Variants in EPHA5 observed in about 807,000 individuals in gnomAD.
The protein encoded by EPHA5 is ephrin type-A receptor 5.
In EPHA5, 60 loss-of-function variants were observed where a neutral mutation model predicts 105.0. The ratio of observed to expected loss-of-function variants is 0.57; its 90% CI spans 0.46 to 0.71. The LOEUF (loss-of-function observed/expected upper bound fraction) is 0.71, where lower values mean the gene tolerates loss of function less well. EPHA5 is among the 30% of genes least tolerant of loss of function. The pLI, the probability that EPHA5 is intolerant of heterozygous loss-of-function variation, is 0.00. For missense variants in EPHA5, 1,218 were observed against 1,274.7 expected (o/e 0.96, Z 0.68); for synonymous variants, 513 against 449.1 (o/e 1.14, Z -1.80).
In EPHA5 at chr4:65,480,071, A is replaced by C. The variant is rs1730206675; in HGVS notation, c.1402+10306T>G. Among the ~76,000 whole-genome samples the C allele has an allele frequency of 2.6e-5, 4 of 152,152 alleles. No homozygotes were observed. The South Asian group carries it at 8.3e-4, about 32-fold the overall frequency. On this transcript the variant is annotated intron_variant, in intron 5 of 16. Coordinates refer to ENST00000613740, the MANE Select transcript of EPHA5 (RefSeq NM_001281766.3). Reference sequence around the variant, plus strand: ...CTCAACACATGAGATACAAACAAACAAACAAAAAACACAAGAATACAGGAA... The same window carrying C: ...CTCAACACATGAGATACAAACAAACCAACAAAAAACACAAGAATACAGGAA...
Position 65,362,913 on chromosome 4 carries a change from A to T in EPHA5, c.2173+2104T>A, listed in dbSNP as rs1018757429. Among the ~76,000 whole-genome samples, 5 of 151,716 alleles carry T rather than the reference A, an allele frequency of 3.3e-5. No individual in the cohort carries two copies. The Admixed American group carries it at 3.3e-4, about 10-fold the overall frequency. On this transcript the variant is annotated intron_variant, in intron 11 of 16. Coordinates refer to ENST00000613740, the MANE Select transcript of EPHA5 (RefSeq NM_001281766.3). ...TAAGCAAAAGAGACAAAATTAAGTG[A>T]GATTTAAATAAGACTTTTGAACCAA...
At chr4:65,598,476 G>T (rs1274534857) in intron 3 of EPHA5, among the ~76,000 whole-genome samples, 1 of 151,796 alleles carries the variant, frequency 6.6e-6, no homozygotes, top group African/African-American at 2.4e-5. Flanking sequence ...TGTGCTTTTT[G>T]ACTTCTTTCT....
chr4:65,350,908 C>T (rs1722750534), intron 13 of EPHA5, among the ~76,000 whole-genome samples: 2 of 151,874 alleles, frequency 1.3e-5, no homozygotes, highest in South Asian at 4.2e-4. Flanking sequence ...AAGGTGGGAG[C>T]TAGATATTTC....
At chr4:65,632,440 G>T (rs1746732848) in intron 2 of EPHA5, among the ~76,000 whole-genome samples, 2 of 149,838 alleles carry the variant, frequency 1.3e-5, no homozygotes, top group African/African-American at 2.5e-5. Flanking sequence ...AAAATAAGTT[G>T]TAAAGTATTA....
At chr4:65,594,114 G>A (rs1190935895) in intron 3 of EPHA5, among the ~76,000 whole-genome samples, 1 of 151,980 alleles carries the variant, frequency 6.6e-6, no homozygotes, top group Non-Finnish European at 1.5e-5. Context: ...AAAACAAAAG[G>A]ACTATTTTTT....
intron 8 of EPHA5, among the ~76,000 whole-genome samples, chr4:65,387,813 T>A (rs1232105681): frequency 6.6e-6 from 1 of 151,702 alleles, no homozygotes; most frequent in African/African-American, 2.4e-5. Flanking sequence ...TTTTTGTATG[T>A]CTCATTCTTT....
At chr4:65,470,204 T>A (rs1262564238) in intron 5 of EPHA5, among the ~76,000 whole-genome samples, 22 of 151,604 alleles carry the variant, frequency 1.5e-4, no homozygotes, top group African/African-American at 4.6e-4. Context: ...TTTTTTTTTT[T>A]TTTCTTGAGA....
intron 2 of EPHA5, among the ~76,000 whole-genome samples, chr4:65,613,986 T>C (rs1232689655): frequency 6.6e-6 from 1 of 151,942 alleles, no homozygotes; most frequent in Non-Finnish European, 1.5e-5. Context: ...AATATTTTAC[T>C]TGAGAATTAC....
intron 5 of EPHA5, among the ~76,000 whole-genome samples, chr4:65,462,770 T>C (rs1728250444): frequency 6.6e-6 from 1 of 152,096 alleles, no homozygotes; most frequent in South Asian, 2.1e-4. Flanking sequence ...ATTAAACAAA[T>C]AAAGTGACAA....
chr4:65,351,322 CT>C, intron 13 of EPHA5, 66 bp downstream of exon 13: 1 of 1,405,362 alleles, frequency 7.1e-7, no homozygotes, highest in East Asian at 2.3e-5. Context: ...TTAGCTATTT[CT>C]TTCAGAATCT....
At chr4:65,557,317 G>T (rs1738558004) in intron 3 of EPHA5, among the ~76,000 whole-genome samples, 2 of 146,370 alleles carry the variant, frequency 1.4e-5, no homozygotes, top group Non-Finnish European at 3.0e-5. Context: ...TATACATTGG[G>T]AATCTTTATG....
At chr4:65,448,075 T>C (rs1297423804) in intron 5 of EPHA5, among the ~76,000 whole-genome samples, 4 of 151,530 alleles carry the variant, frequency 2.6e-5, no homozygotes, top group Non-Finnish European at 5.9e-5. Flanking sequence ...TTTCTTGTTA[T>C]ATGAAAACTG....
At chr4:65,454,032 AC>A (rs1343014681) in intron 5 of EPHA5, among the ~76,000 whole-genome samples, 1 of 152,022 alleles carries the variant, frequency 6.6e-6, no homozygotes, top group African/African-American at 2.4e-5. Context: ...TGTAATTCCA[AC>A]ACTTTGAGAG....
intron 16 of EPHA5, chr4:65,330,998 T>C: frequency 9.6e-7 from 1 of 1,043,008 alleles, no homozygotes; most frequent in South Asian, 4.6e-5. Context: ...ATGAATTCAA[T>C]GAATCAAAGA....
At position 65,414,564 on chromosome 4, in the gene EPHA5, T is replaced by C. The variant is rs949726631; in HGVS notation, c.1528-121A>G. On this transcript the variant is annotated intron_variant, in intron 6 of 16. Transcript: ENST00000613740. ...CCAAAGGACTCTATTAGTACAAATA[T>C]AACATTTTAGAAAAAAATCCTACAC... 1.6e-5 allele frequency: 17 copies of C among 1,092,762 alleles called. 1 individual carries two copies. Among genetic ancestry groups the C allele is most frequent in the Admixed American group, 5.1e-5 (2 of 39,230 alleles). 67.7% of individuals were successfully genotyped at this position (1,092,762 alleles called of 1,614,324 possible). A position where few individuals can be genotyped will look rare whatever the true frequency, so the allele number is the denominator to read the frequency against.
At chr4:65,430,223 A>C (rs905022929) in intron 5 of EPHA5, among the ~76,000 whole-genome samples, 9 of 152,066 alleles carry the variant, frequency 5.9e-5, no homozygotes, top group Admixed American at 5.9e-4. Context: ...AAAATATATA[A>C]TTATATATCT....
intron 8 of EPHA5, among the ~76,000 whole-genome samples, chr4:65,398,501 C>T (rs1037308009): frequency 2.6e-5 from 4 of 152,182 alleles, no homozygotes; most frequent in Non-Finnish European, 4.4e-5. Flanking sequence ...GAAGCCTCAC[C>T]TTCAAGCCAG....
At chr4:65,363,980 C>T (rs1305913603) in intron 11 of EPHA5, among the ~76,000 whole-genome samples, 1 of 151,280 alleles carries the variant, frequency 6.6e-6, no homozygotes, top group Non-Finnish European at 1.5e-5. Context: ...TTTCCTCTGC[C>T]TGCCTCTTGA....
intron 5 of EPHA5, among the ~76,000 whole-genome samples, chr4:65,477,151 C>T (rs1194142083): frequency 6.6e-6 from 1 of 152,072 alleles, no homozygotes; most frequent in African/African-American, 2.4e-5. Flanking sequence ...TTCGAGTTAC[C>T]TTAGAAAGCC....
Sources: allele counts gnomAD v4.1 joint callset (sites outside exome capture counted in the v4.1 genomes callset), GRCh38; gene constraint gnomAD v4.1.1; transcripts MANE v1.5; gene names NCBI Gene and HGNC (gene_info 2026-07-23, HGNC 2026-07-21).